NPY2R: variants seen among roughly 807,000 people sequenced by gnomAD.
The protein encoded by NPY2R is neuropeptide Y receptor type 2.
A neutral mutation model predicts 22.3 loss-of-function variants in NPY2R; 17 were observed. The observed-to-expected ratio is 0.76, with a 90% CI of 0.52 to 1.14. The LOEUF is 1.14. NPY2R is among the 50% of genes most tolerant of loss of function. The pLI is 0.00. For synonymous variants in NPY2R, 209 were observed against 183.4 expected (o/e 1.14, Z -1.13); for missense variants, 424 against 467.9 (o/e 0.91, Z 0.87).
chr4:155,182,918 G>T, the NPY2R span, among the ~76,000 whole-genome samples: 2 of 151,956 alleles, frequency 1.3e-5, no homozygotes, highest in African/African-American at 4.8e-5. Flanking sequence ...TCAGCCTCCC[G>T]AGTAGCTGGG....
At chr4:155,178,900 C>A in the NPY2R span, among the ~76,000 whole-genome samples, 2 of 152,138 alleles carry the variant, frequency 1.3e-5, no homozygotes, top group East Asian at 1.9e-4. Context: ...AAATGTTAGA[C>A]AACTTGATAT....
At chr4:155,204,839 G>T (rs138239995), upstream of NPY2R, among the ~76,000 whole-genome samples, 1 of 127,316 alleles carries the variant, frequency 7.9e-6, no homozygotes, top group African/African-American at 2.9e-5. Context: ...CTCCCTATGT[G>T]GTTACAGTTG....
At chr4:155,187,467 C>A in the NPY2R span, among the ~76,000 whole-genome samples, 1 of 151,806 alleles carries the variant, frequency 6.6e-6, no homozygotes, top group Admixed American at 6.6e-5. Flanking sequence ...AAGACAAGAA[C>A]CAAAGACACA....
upstream of NPY2R, among the ~76,000 whole-genome samples, chr4:155,204,992 C>T (rs182240257): frequency 3.3e-5 from 5 of 152,202 alleles, no homozygotes; most frequent in East Asian, 9.7e-4. Context: ...CTGTAAAGGC[C>T]ATTTCACATC....
chr4:155,189,573 T>A, the NPY2R span, among the ~76,000 whole-genome samples: 1 of 152,162 alleles, frequency 6.6e-6, no homozygotes, highest in East Asian at 1.9e-4. Flanking sequence ...CTCAAAGTTA[T>A]GAATCTTTTA....
chr4:155,182,017 T>C, the NPY2R span, among the ~76,000 whole-genome samples: 3 of 152,308 alleles, frequency 2.0e-5, no homozygotes, highest in African/African-American at 7.2e-5. Context: ...AAAGTGAGTG[T>C]GGTTTCCCCA....
chr4:155,174,196 T>C, the NPY2R span: 1 of 151,930 alleles, frequency 6.6e-6, no homozygotes, highest in East Asian at 1.9e-4. Context: ...AGTGAATTTC[T>C]GACTGCAATT....
chr4:155,174,931 A>G, the NPY2R span, among the ~76,000 whole-genome samples: 3 of 152,140 alleles, frequency 2.0e-5, no homozygotes, highest in East Asian at 5.8e-4. Flanking sequence ...GTAAAATCGC[A>G]TTTAATAAAA....
chr4:155,185,109 G>T, the NPY2R span, among the ~76,000 whole-genome samples: 3 of 149,818 alleles, frequency 2.0e-5, no homozygotes, highest in African/African-American at 7.4e-5. Flanking sequence ...GCACAATCTT[G>T]GCTCACTGCA....
chr4:155,176,272 T>C, the NPY2R span, among the ~76,000 whole-genome samples: 6 of 152,138 alleles, frequency 3.9e-5, no homozygotes, highest in East Asian at 3.9e-4. Context: ...ACTGGAAGTC[T>C]TTGCAGTGAG....
the NPY2R span, among the ~76,000 whole-genome samples, chr4:155,174,484 A>ATATATATATATGTATAT: frequency 7.4e-4 from 78 of 106,074 alleles, 1 homozygote; most frequent in African/African-American, 3.0e-3. Flanking sequence ...ATATATATAT[A>ATATATATATATGTATAT]TTTTTTTTTT....
chr4:155,188,772 A>T, the NPY2R span, among the ~76,000 whole-genome samples: 1 of 152,090 alleles, frequency 6.6e-6, no homozygotes, highest in African/African-American at 2.4e-5. Flanking sequence ...TTTGAAGCTG[A>T]TCCTTTCCCA....
chr4:155,185,361 C>T, the NPY2R span, among the ~76,000 whole-genome samples: 2 of 152,056 alleles, frequency 1.3e-5, no homozygotes, highest in East Asian at 1.9e-4. Context: ...AATAAAAATT[C>T]CTTCAATATT....
At chr4:155,211,328 C>T (rs895800036) in intron 1 of NPY2R, among the ~76,000 whole-genome samples, 2 of 152,068 alleles carry the variant, frequency 1.3e-5, no homozygotes, top group Non-Finnish European at 2.9e-5. Flanking sequence ...TAGAAGTGAG[C>T]ACAGGGGCTT....
At position 155,215,940 on chromosome 4, in the gene NPY2R, G is replaced by A. The variant is rs1729506069; in HGVS notation, c.*855G>A. 1 of 166,990 alleles carries A rather than the reference G, an allele frequency of 6.0e-6. No homozygotes were observed. Among genetic ancestry groups the A allele is most frequent in the African/African-American group, 2.4e-5 (1 of 41,424 alleles). 10.3% of individuals were successfully genotyped at this position (166,990 alleles called of 1,614,324 possible). A position where few individuals can be genotyped will look rare whatever the true frequency, so the allele number is the denominator to read the frequency against. On this transcript the variant is annotated 3_prime_UTR_variant, in exon 2 of 2. Coordinates refer to ENST00000329476, the MANE Select transcript of NPY2R (RefSeq NM_000910.4). ...GATTTCTGTTGTTATTCCTATTGGA[G>A]CTAAGTTTGTCTACACTAAAATTTA...
chr4:155,197,626 A>T, the NPY2R span, among the ~76,000 whole-genome samples: 1 of 152,050 alleles, frequency 6.6e-6, no homozygotes, highest in African/African-American at 2.4e-5. Context: ...TAAGTGAAAA[A>T]AAATAGATTC....
the NPY2R span, among the ~76,000 whole-genome samples, chr4:155,200,763 A>G: frequency 6.6e-6 from 1 of 152,198 alleles, no homozygotes. Context: ...ACAGAAAATC[A>G]AACACTGCAT....
At chr4:155,205,141 A>C (rs1363126499), upstream of NPY2R, among the ~76,000 whole-genome samples, 1 of 152,226 alleles carries the variant, frequency 6.6e-6, no homozygotes, top group Non-Finnish European at 1.5e-5. Context: ...AATAAAATTT[A>C]AAATTTCAGT....
the NPY2R span, among the ~76,000 whole-genome samples, chr4:155,200,618 G>A: frequency 1.2e-4 from 19 of 152,100 alleles, no homozygotes; most frequent in Non-Finnish European, 2.5e-4. Flanking sequence ...GTCCATGAAT[G>A]ATAGACTAGA....
Sources: allele counts gnomAD v4.1 joint callset (sites outside exome capture counted in the v4.1 genomes callset), GRCh38; gene constraint gnomAD v4.1.1; transcripts MANE v1.5; gene names NCBI Gene and HGNC (gene_info 2026-07-23, HGNC 2026-07-21).